CPNE2: variants seen among roughly 807,000 people sequenced by gnomAD.
CPNE2 encodes copine-2.
Under a neutral mutation model 69.7 loss-of-function variants are expected in CPNE2, and 42 were observed. That is an observed-to-expected ratio of 0.60 (90% CI 0.47 to 0.78). The LOEUF (loss-of-function observed/expected upper bound fraction) is 0.78, where lower values mean the gene tolerates loss of function less well. Ranked by LOEUF, CPNE2 falls within the 30% of genes least tolerant of loss-of-function variation. The pLI is 0.00. For missense variants in CPNE2, 587 were observed against 732.0 expected (o/e 0.80, Z 2.29); for synonymous variants, 294 against 289.8 (o/e 1.01, Z -0.15).
At chr16:57,125,681 C>T in intron 10 of CPNE2, 179 bp from the exon 11 acceptor site, 1 of 712,514 alleles carries the variant, frequency 1.4e-6, no homozygotes, top group Non-Finnish European at 2.3e-6. Context: ...CCACAGATGG[C>T]ATTAGAGCAG....
chr16:57,125,763 G>T (rs2069796364), intron 10 of CPNE2, 97 bp from the exon 11 acceptor site: 9 of 1,468,358 alleles, frequency 6.1e-6, no homozygotes, highest in Middle Eastern at 2.0e-4. Flanking sequence ...AGATGAGTGG[G>T]CTTCCCATGT....
At chr16:57,121,057 G>A (rs374888241) in intron 7 of CPNE2, 36 bp from the exon 8 acceptor site, 14 of 1,538,362 alleles carry the variant, frequency 9.1e-6, no homozygotes, top group African/African-American at 2.7e-5. Flanking sequence ...CCTCTTGGGG[G>A]ACAGCTCTGG....
At chr16:57,121,283 T>C in intron 8 of CPNE2, 92 bp downstream of exon 8, 2 of 1,054,796 alleles carry the variant, frequency 1.9e-6, no homozygotes, top group Non-Finnish European at 2.8e-6. Flanking sequence ...GGGGCTGAGA[T>C]CCCCCTTCTG....
chr16:57,096,603 G>T (rs1268249166), intron 1 of CPNE2, among the ~76,000 whole-genome samples: 1 of 151,746 alleles, frequency 6.6e-6, no homozygotes, highest in African/African-American at 2.4e-5. Flanking sequence ...GGAGACTGAG[G>T]TGGGAGGATT....
chr16:57,115,459 TCTC>T lies in CPNE2; in HGVS notation c.361-13_361-11del. 6.2e-7 allele frequency: 1 copy of T among 1,601,454 alleles called. No individual in the cohort carries two copies. The highest frequency in any genetic ancestry group is 8.5e-7 in the Non-Finnish European group (1 of 1,172,710). On this transcript the variant is annotated splice_polypyrimidine_tract_variant and intron_variant, in intron 3 of 15. Transcript: ENST00000290776. ...CCCCGCTTCCTCACTGAGCGCCCTT[TCTC>T]CTCTCTCCCCTAGATCGTCTCCAGC...
At position 57,125,940 on chromosome 16, in the gene CPNE2, CGAA is replaced by C; in HGVS notation, c.1009_1011del (p.Glu337del). The C allele has an allele frequency of 1.2e-6, 2 of 1,614,184 alleles. No homozygotes were observed. Among genetic ancestry groups the C allele is most frequent in the Non-Finnish European group, 8.5e-7 (1 of 1,180,046 alleles). ...ACTATATCAACCCTATGGGCACCAA[CGAA>C]TATCTGTCGGCCATCTGGGCTGTTG... On this transcript the variant is annotated inframe_deletion, in exon 11 of 16. Coordinates refer to ENST00000290776, the MANE Select transcript of CPNE2 (RefSeq NM_152727.6).
chr16:57,103,312 A>G (rs927253021), intron 1 of CPNE2, among the ~76,000 whole-genome samples: 16 of 151,502 alleles, frequency 1.1e-4, no homozygotes, highest in African/African-American at 3.9e-4. Context: ...TTGTAGAGAC[A>G]GGATCTCACT....
intron 14 of CPNE2, among the ~76,000 whole-genome samples, chr16:57,140,507 C>T (rs2069913836): frequency 6.6e-6 from 1 of 151,838 alleles, no homozygotes; most frequent in Admixed American, 6.6e-5. Flanking sequence ...AGTAAACCCC[C>T]AGTGTGCTGT....
intron 5 of CPNE2, among the ~76,000 whole-genome samples, chr16:57,117,819 A>C (rs1289833523): frequency 6.6e-6 from 1 of 152,090 alleles, no homozygotes; most frequent in African/African-American, 2.4e-5. Context: ...CACTTAGTGT[A>C]AGTACATTCC....
intron 2 of CPNE2, among the ~76,000 whole-genome samples, chr16:57,111,182 C>CTT (rs5817089): frequency 5.8e-4 from 80 of 138,160 alleles, no homozygotes; most frequent in African/African-American, 7.3e-4. Flanking sequence ...TATTTGATAT[C>CTT]TTTTTTTTTT....
intron 1 of CPNE2, among the ~76,000 whole-genome samples, chr16:57,107,470 C>T (rs1223816421): frequency 2.6e-5 from 4 of 152,156 alleles, no homozygotes; most frequent in South Asian, 2.1e-4. Context: ...TCCTGCAGAC[C>T]GGGGCTTGCA....
At chr16:57,113,637 C>G (rs1325455886) in intron 3 of CPNE2, among the ~76,000 whole-genome samples, 170 bp downstream of exon 3, 2 of 152,240 alleles carry the variant, frequency 1.3e-5, no homozygotes, top group Admixed American at 6.5e-5. Context: ...TGAAGAGCTC[C>G]CATCTGGAGA....
chr16:57,100,229 T>C (rs886662711), intron 1 of CPNE2, among the ~76,000 whole-genome samples: 1 of 152,088 alleles, frequency 6.6e-6, no homozygotes, highest in African/African-American at 2.4e-5. Context: ...TGAGCTGAGT[T>C]TGAAGAAAGA....
At chr16:57,094,942 G>A (rs2069569048) in intron 1 of CPNE2, among the ~76,000 whole-genome samples, 2 of 152,182 alleles carry the variant, frequency 1.3e-5, no homozygotes, top group African/African-American at 4.8e-5. Flanking sequence ...CCTCCTGTCA[G>A]AGCAGGAGGC....
At chr16:57,127,955 G>A (rs759822108) in intron 12 of CPNE2, 52 bp downstream of exon 12, 1 of 1,579,436 alleles carries the variant, frequency 6.3e-7, no homozygotes, top group South Asian at 1.1e-5. Context: ...GTTTGTGTGT[G>A]TGGCCTCTCG....
intron 3 of CPNE2, 40 bp from the exon 4 acceptor site, chr16:57,115,436 C>T: frequency 1.3e-6 from 2 of 1,523,988 alleles, no homozygotes; most frequent in Non-Finnish European, 1.8e-6. Flanking sequence ...CGGGCTTCCC[C>T]CGCTTCCTCA....
At chr16:57,107,402 C>T (rs1320163217) in intron 1 of CPNE2, among the ~76,000 whole-genome samples, 1 of 152,196 alleles carries the variant, frequency 6.6e-6, no homozygotes, top group East Asian at 1.9e-4. Context: ...CCGGGGAACA[C>T]TGGATCTGGA....
Position 57,147,606 on chromosome 16 carries a change from T to C in CPNE2, c.1595T>C (p.Val532Ala), listed in dbSNP as rs780727597. The C allele has an allele frequency of 6.2e-7, 1 of 1,609,798 alleles. No individual in the cohort carries two copies. Among genetic ancestry groups the C allele is most frequent in the African/African-American group, 1.3e-5 (1 of 74,826 alleles). The change falls in exon 16 of 16, where the codon GTG (valine) becomes GCG (alanine). Residue 532 changes from valine (V) to alanine (A), a missense_variant. Physicochemically the swap from Val to Ala is moderately conservative, Grantham distance 64. Transcript: ENST00000290776. ...AVLAELPQQV[V>A]QYFKHKNLPP... ...CTGGCGGAGCTGCCCCAACAAGTTG[T>C]GCAGTATTTCAAGCATAAAAACCTG...
chr16:57,098,215 G>C (rs1207836636), intron 1 of CPNE2, among the ~76,000 whole-genome samples: 17 of 152,216 alleles, frequency 1.1e-4, no homozygotes, highest in Admixed American at 8.5e-4. Context: ...CCCCAGGGGG[G>C]CCTCAGGGCC....
Sources: allele counts gnomAD v4.1 joint callset (sites outside exome capture counted in the v4.1 genomes callset), GRCh38; gene constraint gnomAD v4.1.1; transcripts MANE v1.5; gene names NCBI Gene and HGNC (gene_info 2026-07-23, HGNC 2026-07-21).